The following MACROH2A1 variants were observed in gnomAD, a reference collection of about 807,000 sequenced individuals.
The protein encoded by MACROH2A1 is macroH2A.1 histone.
A neutral mutation model predicts 31.6 loss-of-function variants in MACROH2A1; 2 were observed. The observed-to-expected ratio is 0.06, with a 90% confidence interval of 0.03 to 0.20. MACROH2A1 has a LOEUF of 0.20. Among genes scored for constraint, MACROH2A1 ranks in the 10% least tolerant of loss-of-function variants. The probability of loss-of-function intolerance (pLI) is 1.00; values close to 1 mark genes in which losing one functional copy is unlikely to be tolerated. For missense variants in MACROH2A1, 230 were observed against 474.0 expected (o/e 0.49, Z 4.78); for synonymous variants, 169 against 189.6 (o/e 0.89, Z 0.89).
intron 2 of MACROH2A1, among the ~76,000 whole-genome samples, chr5:135,385,597 G>C (rs1208046763): frequency 6.6e-6 from 1 of 152,148 alleles, no homozygotes; most frequent in East Asian, 1.9e-4. Context: ...CCCTCTCTCT[G>C]TAGCTTCCCC....
chr5:135,348,332 T>G (rs1187995225), intron 6 of MACROH2A1, among the ~76,000 whole-genome samples: 4 of 152,220 alleles, frequency 2.6e-5, no homozygotes, highest in Non-Finnish European at 5.9e-5. Flanking sequence ...AGCATAAACA[T>G]GTGTTACTCC....
At chr5:135,368,515 C>G (rs1763798043) in intron 4 of MACROH2A1, among the ~76,000 whole-genome samples, 1 of 152,244 alleles carries the variant, frequency 6.6e-6, no homozygotes, top group African/African-American at 2.4e-5. Flanking sequence ...TCCTCCTGAT[C>G]TGGCTGGAGG....
At chr5:135,352,854 A>G (rs1581188035) in intron 6 of MACROH2A1, 92 bp downstream of exon 6, 1 of 773,910 alleles carries the variant, frequency 1.3e-6, no homozygotes, top group East Asian at 2.5e-5. Context: ...TGGCTTGACC[A>G]CTGTAAAGTC....
At chr5:135,358,810 C>G (rs1201881272) in intron 5 of MACROH2A1, 6 of 985,042 alleles carry the variant, frequency 6.1e-6, no homozygotes, top group Non-Finnish European at 7.2e-6. Context: ...AAATTTTACT[C>G]TACTGTACTT....
chr5:135,378,537 G>C (rs1765216565), intron 2 of MACROH2A1, among the ~76,000 whole-genome samples: 1 of 152,182 alleles, frequency 6.6e-6, no homozygotes, highest in Admixed American at 6.5e-5. Flanking sequence ...AGCCAGCCTT[G>C]GGGACCGGGC....
intron 5 of MACROH2A1, chr5:135,355,602 G>T (rs1762086999): frequency 9.5e-6 from 2 of 209,608 alleles, no homozygotes; most frequent in Non-Finnish European, 2.0e-5. Flanking sequence ...GGAAGAGAAT[G>T]GGAAGGGGAG....
chr5:135,389,272 G>A (rs1193421654), intron 1 of MACROH2A1, 146 bp from the exon 2 acceptor site: 3 of 483,062 alleles, frequency 6.2e-6, no homozygotes, highest in Non-Finnish European at 1.1e-5. Context: ...TCCAGGTGAT[G>A]CACTCCGCTG....
intron 7 of MACROH2A1, chr5:135,345,566 A>C (rs1382166655): frequency 6.2e-6 from 1 of 162,280 alleles, no homozygotes; most frequent in African/African-American, 2.4e-5. Flanking sequence ...GTAATTGGCA[A>C]ATGAGAAATG....
intron 2 of MACROH2A1, among the ~76,000 whole-genome samples, chr5:135,379,812 G>T (rs1219722542): frequency 1.3e-5 from 2 of 152,112 alleles, no homozygotes; most frequent in Admixed American, 1.3e-4. Context: ...TGGGATGCTG[G>T]GTCCCACTCC....
At chr5:135,348,247 C>T (rs1761098464) in intron 6 of MACROH2A1, among the ~76,000 whole-genome samples, 1 of 152,224 alleles carries the variant, frequency 6.6e-6, no homozygotes, top group South Asian at 2.1e-4. Context: ...ATTGTCAACA[C>T]TCTTATTGTA....
intron 5 of MACROH2A1, chr5:135,359,453 T>C: frequency 1.0e-6 from 1 of 984,228 alleles, no homozygotes; most frequent in African/African-American, 1.7e-5. Context: ...CTTTTTCTTT[T>C]GAAAAATGCA....
At chr5:135,384,849 A>G (rs748036596) in intron 2 of MACROH2A1, among the ~76,000 whole-genome samples, 10 of 152,186 alleles carry the variant, frequency 6.6e-5, no homozygotes, top group Non-Finnish European at 1.5e-4. Flanking sequence ...TGGAGATGTG[A>G]GTGACTTGCC....
chr5:135,385,503 T>C (rs1388246314), intron 2 of MACROH2A1, among the ~76,000 whole-genome samples: 1 of 152,206 alleles, frequency 6.6e-6, no homozygotes, highest in Non-Finnish European at 1.5e-5. Context: ...TTCCCTCAGA[T>C]GTCTGCCTAG....
Position 135,360,269 on chromosome 5 carries a change from C to CT in MACROH2A1, c.588+227dup, listed in dbSNP as rs1356778159. The CT allele has an allele frequency of 2.5e-5, 14 of 570,870 alleles. 1 individual carries two copies. Among genetic ancestry groups the CT allele is most frequent in the African/African-American group, 1.9e-4 (10 of 53,246 alleles). The allele number at this position is 570,870 out of a possible 1,614,324, so 35.4% of individuals were successfully genotyped here. A position where few individuals can be genotyped will look rare whatever the true frequency, so the allele number is the denominator to read the frequency against. ...TCCCACAGGAGCTGCCTGCCCTCTT[C>CT]TTTTTTACCACTGTCTCCCTTCCCC... On this transcript the variant is annotated intron_variant, in intron 5 of 8. Transcript: ENST00000511689.
At chr5:135,366,582 TAAAA>T (rs534419109) in intron 4 of MACROH2A1, among the ~76,000 whole-genome samples, 2 of 143,306 alleles carry the variant, frequency 1.4e-5, no homozygotes, top group African/African-American at 2.5e-5. Flanking sequence ...GATTTTTATT[TAAAA>T]AAAAAAAAAA....
intron 8 of MACROH2A1, chr5:135,337,999 G>T: frequency 8.3e-7 from 1 of 1,199,260 alleles, no homozygotes; most frequent in East Asian, 7.1e-5. Context: ...AGGCTGCCAG[G>T]AAGGAATGGC....
intron 2 of MACROH2A1, among the ~76,000 whole-genome samples, chr5:135,383,703 GT>G (rs1765988254): frequency 5.3e-5 from 4 of 75,826 alleles, no homozygotes; most frequent in African/African-American, 9.1e-5. Context: ...GTGGTGTGGT[GT>G]GTGTGTGTGT....
At chr5:135,385,449 G>C (rs1042778135) in intron 2 of MACROH2A1, among the ~76,000 whole-genome samples, 1 of 152,298 alleles carries the variant, frequency 6.6e-6, no homozygotes, top group Non-Finnish European at 1.5e-5. Context: ...AGCTGTGCAA[G>C]GGACATCACA....
intron 4 of MACROH2A1, among the ~76,000 whole-genome samples, chr5:135,368,729 G>A (rs1464674870): frequency 6.6e-6 from 1 of 152,222 alleles, no homozygotes; most frequent in African/African-American, 2.4e-5. Context: ...GCTCAGACAG[G>A]TGAGCACAGC....
Sources: allele counts gnomAD v4.1 joint callset (sites outside exome capture counted in the v4.1 genomes callset), GRCh38; gene constraint gnomAD v4.1.1; transcripts MANE v1.5; gene names NCBI Gene and HGNC (gene_info 2026-07-23, HGNC 2026-07-21).